The following GRIK3 variants were observed in gnomAD, a reference collection of about 807,000 sequenced individuals.
GRIK3 encodes glutamate ionotropic receptor kainate type subunit 3.
In GRIK3, 29 loss-of-function variants were observed where a neutral mutation model predicts 102.5. The ratio of observed to expected loss-of-function variants is 0.28; its 90% CI spans 0.21 to 0.39. The LOEUF (loss-of-function observed/expected upper bound fraction) is 0.39, where lower values mean the gene tolerates loss of function less well. Ranked by LOEUF, GRIK3 falls within the 10% of genes least tolerant of loss-of-function variation. The pLI is 1.00. For missense variants in GRIK3, 908 were observed against 1,252.4 expected, an observed-to-expected ratio of 0.73 and a Z score of 4.15; for synonymous variants, 511 against 504.9, an observed-to-expected ratio of 1.01 and a Z score of -0.16.
At chr1:36,989,536 G>A (rs1642342828) in intron 1 of GRIK3, among the ~76,000 whole-genome samples, 1 of 152,246 alleles carries the variant, frequency 6.6e-6, no homozygotes, top group African/African-American at 2.4e-5. Context: ...CGGGGGCCTG[G>A]CTGGTTAATT....
intron 7 of GRIK3, 34 bp downstream of exon 7, chr1:36,859,074 G>C: frequency 6.4e-7 from 1 of 1,556,302 alleles, no homozygotes; most frequent in Non-Finnish European, 8.8e-7. Flanking sequence ...CAGTCCCGGG[G>C]AGACAACACT....
At chr1:36,941,470 C>A (rs1641718657) in intron 1 of GRIK3, among the ~76,000 whole-genome samples, 1 of 152,172 alleles carries the variant, frequency 6.6e-6, no homozygotes, top group Admixed American at 6.5e-5. Flanking sequence ...CTGGGGGTGG[C>A]TTCACGGGAC....
intron 1 of GRIK3, among the ~76,000 whole-genome samples, chr1:36,931,977 CG>C (rs908320860): frequency 2.0e-5 from 3 of 152,156 alleles, no homozygotes; most frequent in Admixed American, 2.0e-4. Flanking sequence ...CAAGCCATTC[CG>C]TCCTCCTCAT....
At chr1:36,906,715 G>C (rs562488817) in intron 1 of GRIK3, among the ~76,000 whole-genome samples, 1 of 152,332 alleles carries the variant, frequency 6.6e-6, no homozygotes, top group Admixed American at 6.5e-5. Flanking sequence ...CAGACAATGT[G>C]TCACAGTAGG....
intron 1 of GRIK3, among the ~76,000 whole-genome samples, chr1:37,023,728 G>T (rs967044540): frequency 1.3e-5 from 2 of 152,318 alleles, no homozygotes; most frequent in African/African-American, 4.8e-5. Flanking sequence ...ATCCCCAAAA[G>T]CTTCACTATT....
intron 2 of GRIK3, among the ~76,000 whole-genome samples, chr1:36,886,725 T>G (rs1413188386): frequency 6.6e-6 from 1 of 152,250 alleles, no homozygotes; most frequent in African/African-American, 2.4e-5. Context: ...ACATATAATT[T>G]CATTCATACG....
rs1185956391 is a variant in GRIK3 at position 36,819,337 on chromosome 1, C to T, written c.1873+399G>A. Among the ~76,000 whole-genome samples the T allele has an allele frequency of 2.0e-5, 3 of 152,186 alleles. No homozygotes were observed. Among genetic ancestry groups the T allele is most frequent in the African/African-American group, 7.2e-5 (3 of 41,452 alleles). On this transcript the variant is annotated intron_variant, in intron 12 of 15. Transcript: ENST00000373091. This position sits in a 1 kb window ranked among gnomAD's most constrained non-coding sequence, Gnocchi z 4.1. ...CTCATTCCTGCAGTGGCCTCCCACC[C>T]AGACTCCCTGCCTCTGGTCTCCTTC...
At chr1:37,008,074 T>G (rs1557461423) in intron 1 of GRIK3, among the ~76,000 whole-genome samples, 1 of 152,200 alleles carries the variant, frequency 6.6e-6, no homozygotes, top group Non-Finnish European at 1.5e-5. Flanking sequence ...CCACCTCTTC[T>G]TCTCTGACCA....
At chr1:36,953,534 G>A (rs1370061744) in intron 1 of GRIK3, among the ~76,000 whole-genome samples, 7 of 152,094 alleles carry the variant, frequency 4.6e-5, no homozygotes, top group Admixed American at 4.6e-4. Context: ...GTAAGGAGAA[G>A]AGCTTAGGTG....
rs183199194 is a variant in GRIK3, at chr1:36,987,294, C to T, written c.115+46700G>A. 4.0e-5 allele frequency among the ~76,000 whole-genome samples: 6 copies of T among 149,636 alleles called. No homozygotes were observed. The East Asian group carries it at 1.2e-3, about 29-fold the overall frequency. On this transcript the variant is annotated intron_variant, in intron 1 of 15. Coordinates refer to ENST00000373091, the MANE Select transcript of GRIK3 (RefSeq NM_000831.4). Reference sequence around the variant, plus strand: ...GCTCAGCAGAGCTCCCCTGGCAGCACTGAGGTTCGATTCCATGTCTGCTCA... The same window carrying T: ...GCTCAGCAGAGCTCCCCTGGCAGCATTGAGGTTCGATTCCATGTCTGCTCA...
At chr1:36,908,597 T>A (rs923037365) in intron 1 of GRIK3, among the ~76,000 whole-genome samples, 1 of 152,226 alleles carries the variant, frequency 6.6e-6, no homozygotes, top group African/African-American at 2.4e-5. Context: ...TTCCTCATGA[T>A]CGTTATTTAA....
intron 15 of GRIK3, among the ~76,000 whole-genome samples, chr1:36,803,291 C>T (rs1642462399): frequency 6.6e-6 from 1 of 151,966 alleles, no homozygotes; most frequent in Non-Finnish European, 1.5e-5. Flanking sequence ...CAGAAATGTG[C>T]TTGGTGTGTT....
chr1:36,923,606 C>T (rs949092284), intron 1 of GRIK3, among the ~76,000 whole-genome samples: 2 of 152,162 alleles, frequency 1.3e-5, no homozygotes, highest in African/African-American at 4.8e-5. Context: ...AAGCTGACTT[C>T]CTGGCAGGGC....
chr1:36,887,756 C>CA (rs375757853), intron 2 of GRIK3, among the ~76,000 whole-genome samples: 2 of 103,632 alleles, frequency 1.9e-5, no homozygotes, highest in Admixed American at 1.0e-4. Context: ...AATTCCATCT[C>CA]AAAAAAAAAA....
At chr1:36,987,553 A>C (rs929562316) in intron 1 of GRIK3, among the ~76,000 whole-genome samples, 6 of 152,136 alleles carry the variant, frequency 3.9e-5, no homozygotes, top group Non-Finnish European at 8.8e-5. Context: ...CTGCCAGAGG[A>C]GCAAAGAAGC....
intron 9 of GRIK3, among the ~76,000 whole-genome samples, chr1:36,847,116 G>A (rs1372449723): frequency 6.6e-6 from 1 of 152,250 alleles, no homozygotes; most frequent in Non-Finnish European, 1.5e-5. Context: ...GATACTACAT[G>A]ATGGGGTTAA....
intron 10 of GRIK3, among the ~76,000 whole-genome samples, chr1:36,828,905 T>C (rs563947527): frequency 1.1e-4 from 17 of 152,234 alleles, no homozygotes; most frequent in East Asian, 7.7e-4. Context: ...CCACAGGTGA[T>C]TGGCCTTCTG....
At chr1:36,826,923 C>T (rs967067757) in intron 10 of GRIK3, among the ~76,000 whole-genome samples, 9 of 152,166 alleles carry the variant, frequency 5.9e-5, no homozygotes, top group African/African-American at 2.2e-4. Context: ...CCACTGGCAT[C>T]CTCCCCCATG....
At chr1:36,886,391 C>A (rs1641037535) in intron 2 of GRIK3, among the ~76,000 whole-genome samples, 1 of 152,132 alleles carries the variant, frequency 6.6e-6, no homozygotes, top group South Asian at 2.1e-4. Flanking sequence ...TGCCCCAAGC[C>A]CCAGGTTCCT....
Sources: gnomAD v4.1 joint callset for allele counts (sites outside exome capture counted in the v4.1 genomes callset) on GRCh38, gnomAD v4.1.1 for gene constraint, Gnocchi (gnomAD v3.1) non-coding constraint, MANE v1.5 for transcripts, NCBI Gene and HGNC (gene_info 2026-07-23, HGNC 2026-07-21) for gene names.